RASGRF2: variants seen among roughly 807,000 people sequenced by gnomAD.
The protein encoded by RASGRF2 is ras-specific guanine nucleotide-releasing factor 2.
A neutral mutation model predicts 151.0 loss-of-function variants in RASGRF2; 76 were observed. The observed-to-expected ratio is 0.50, with a 90% CI of 0.42 to 0.61. The LOEUF (loss-of-function observed/expected upper bound fraction) is 0.61, where lower values mean the gene tolerates loss of function less well. Ranked by LOEUF, RASGRF2 falls within the 20% of genes least tolerant of loss-of-function variation. RASGRF2 has a pLI of 0.00. For synonymous variants in RASGRF2, 504 were observed against 566.5 expected (o/e 0.89, Z 1.57); for missense variants, 1,148 against 1,564.6 (o/e 0.73, Z 4.49).
chr5:80,970,551 C>T (rs80226572), intron 1 of RASGRF2, among the ~76,000 whole-genome samples: 2 of 149,340 alleles, frequency 1.3e-5, no homozygotes, highest in Admixed American at 6.6e-5. Context: ...AGGTTTTTTT[C>T]CCCTAACTTC....
chr5:81,200,673 G>T lies in RASGRF2; in HGVS notation c.2794-657G>T, dbSNP rs1463952070. Among the ~76,000 whole-genome samples, 2 of 152,164 alleles carry T rather than the reference G, an allele frequency of 1.3e-5. 1 individual carries two copies. The highest frequency in any genetic ancestry group is 2.9e-5 in the Non-Finnish European group (2 of 68,036). On this transcript the variant is annotated intron_variant, in intron 18 of 26. Transcript: ENST00000265080. ...GATCTTACTCATGGTCCAGAAAAAA[G>T]CCAGGCAATTAAATTGGCCCTTTCA...
At chr5:81,208,116 A>G (rs1287997456) in intron 21 of RASGRF2, among the ~76,000 whole-genome samples, 1 of 152,240 alleles carries the variant, frequency 6.6e-6, no homozygotes, top group Non-Finnish European at 1.5e-5. Context: ...ATAGGGACAC[A>G]GTTCCAAACA....
chr5:81,080,115 T>C lies in RASGRF2; in HGVS notation c.888-6T>C. ...CTAAATTATATTATTTTTCCTTTTT[T>C]TATAGTGAAACAATCATGTTTCTTC... On this transcript the variant is annotated splice_polypyrimidine_tract_variant and splice_region_variant and intron_variant, in intron 5 of 26. Transcript: ENST00000265080. 1.9e-6 allele frequency: 3 copies of C among 1,593,222 alleles called. No individual in the cohort carries two copies. The highest frequency in any genetic ancestry group is 2.6e-6 in the Non-Finnish European group (3 of 1,175,672).
intron 13 of RASGRF2, among the ~76,000 whole-genome samples, chr5:81,109,736 T>C (rs1188074205): frequency 1.3e-5 from 2 of 152,230 alleles, no homozygotes; most frequent in African/African-American, 2.4e-5. Context: ...ATGCATCTTT[T>C]GTCCCCCACT....
At position 81,170,717 on chromosome 5, in the gene RASGRF2, T is replaced by C. The variant is rs181903856; in HGVS notation, c.2687-9458T>C. ...CTCTCACATGGGCCTAGTCACCCTT[T>C]TTCTGTTCAATATTGGAATTTACCT... On this transcript the variant is annotated intron_variant, in intron 17 of 26. Transcript: ENST00000265080. 1.1e-4 allele frequency among the ~76,000 whole-genome samples: 17 copies of C among 152,316 alleles called. No individual in the cohort carries two copies. The East Asian group carries it at 3.3e-3, about 29-fold the overall frequency.
intron 1 of RASGRF2, among the ~76,000 whole-genome samples, chr5:80,983,855 A>G (rs1748390584): frequency 6.6e-6 from 1 of 152,274 alleles, no homozygotes; most frequent in African/African-American, 2.4e-5. Flanking sequence ...AAAATGTATT[A>G]TTAAAGTTAA....
In RASGRF2 at chr5:81,018,133, G is replaced by A. The variant is rs946774644; in HGVS notation, c.289-24744G>A. 4.0e-5 allele frequency among the ~76,000 whole-genome samples: 6 copies of A among 151,554 alleles called. No homozygotes were observed. The Middle Eastern group carries it at 0.01, about 258-fold the overall frequency. ...AAAAAAAAAGAAAGAAAGAAAGAAA[G>A]AAAAAACAGAAAAAAAGACTCTAGG... On this transcript the variant is annotated intron_variant, in intron 1 of 26. Transcript: ENST00000265080.
chr5:81,131,199 G>A lies in RASGRF2; in HGVS notation c.2686+4036G>A, dbSNP rs183183697. On this transcript the variant is annotated intron_variant, in intron 17 of 26. Coordinates refer to ENST00000265080, the MANE Select transcript of RASGRF2 (RefSeq NM_006909.3). ...GGAGGACAGCAATTTTTTTTGCAAG[G>A]AGGTCAAGACAAGATGTTCCTGCCT... 7.2e-4 allele frequency among the ~76,000 whole-genome samples: 110 copies of A among 152,098 alleles called. 1 individual carries two copies. Among genetic ancestry groups the A allele is most frequent in the Middle Eastern group, 6.8e-3 (2 of 294 alleles).
rs1335545152 is a variant in RASGRF2 at position 81,092,852 on chromosome 5, G to A, written c.1442G>A (p.Arg481His). The change falls in exon 10 of 27, where the codon CGC (arginine) becomes CAC (histidine). Residue 481 changes from arginine (R) to histidine (H), a missense_variant. Coordinates refer to ENST00000265080, the MANE Select transcript of RASGRF2 (RefSeq NM_006909.3). ...GAGAGGGGGAAACTTAGTAAAGTTC[G>A]CCTGGGTTCGTTGTCTTTGAAAAAG... ...SVERGKLSKV[R>H]LGSLSLKKEG... 13 of 1,613,154 alleles carry A rather than the reference G, an allele frequency of 8.1e-6. No homozygotes were observed. The highest frequency in any genetic ancestry group is 1.1e-5 in the South Asian group (1 of 91,042).
At chr5:81,182,659 G>A in intron 18 of RASGRF2, among the ~76,000 whole-genome samples, 1 of 152,182 alleles carries the variant, frequency 6.6e-6, no homozygotes. Flanking sequence ...AGACAGAGCT[G>A]CTCTCAGCTC....
chr5:81,058,606 T>G lies in RASGRF2; in HGVS notation c.396-9426T>G, dbSNP rs532171867. ...TTACTATGTGAAGAATAAGGAGCCA[T>G]GCATCCTGGGCAACATAGTGAGACC... On this transcript the variant is annotated intron_variant, in intron 2 of 26. Transcript: ENST00000265080. Among the ~76,000 whole-genome samples the G allele has an allele frequency of 1.1e-4, 16 of 152,068 alleles. No homozygotes were observed. In the South Asian group the frequency reaches 3.3e-3, roughly 32 times the overall value.
At position 81,208,347 on chromosome 5, in the gene RASGRF2, C is replaced by G; in HGVS notation, c.3072-7C>G. 6.2e-7 allele frequency: 1 copy of G among 1,612,726 alleles called. No homozygotes were observed. Among genetic ancestry groups the G allele is most frequent in the Non-Finnish European group, 8.5e-7 (1 of 1,179,100 alleles). ...AATTGGTTTTGTGTTTTGTTTTGAA[C>G]TTCCAGGGAGTTTCTTGGGCAGGGG... On this transcript the variant is annotated splice_polypyrimidine_tract_variant and splice_region_variant and intron_variant, in intron 21 of 26. Coordinates refer to ENST00000265080, the MANE Select transcript of RASGRF2 (RefSeq NM_006909.3).
intron 18 of RASGRF2, among the ~76,000 whole-genome samples, chr5:81,199,272 A>C (rs1000665303): frequency 6.6e-6 from 1 of 152,202 alleles, no homozygotes; most frequent in African/African-American, 2.4e-5. Context: ...GTTGTTTATG[A>C]CACTGACATT....
intron 2 of RASGRF2, among the ~76,000 whole-genome samples, chr5:81,048,387 C>T (rs983972193): frequency 1.3e-5 from 2 of 152,094 alleles, no homozygotes; most frequent in Non-Finnish European, 2.9e-5. Flanking sequence ...CTACAGAGTG[C>T]AACATGAAAG....
chr5:81,112,666 A>G lies in RASGRF2; in HGVS notation c.1895A>G (p.Asn632Ser). The change falls in exon 14 of 27, where the codon AAC becomes AGC. Residue 632 changes from asparagine (N) to serine (S), a missense_variant. Coordinates refer to ENST00000265080, the MANE Select transcript of RASGRF2 (RefSeq NM_006909.3). ...DTDICFSKTL[N>S]SCKVPQIRYA... Reference sequence around the variant, plus strand: ...GACATTTGCTTCAGTAAAACACTCAACTCCTGCAAAGTGCCCCAGATCCGT... The same window carrying G: ...GACATTTGCTTCAGTAAAACACTCAGCTCCTGCAAAGTGCCCCAGATCCGT... The G allele has an allele frequency of 6.2e-7, 1 of 1,614,006 alleles. No homozygotes were observed. Among genetic ancestry groups the G allele is most frequent in the East Asian group, 2.2e-5 (1 of 44,876 alleles).
chr5:81,189,564 C>G (rs1370161436), intron 18 of RASGRF2, among the ~76,000 whole-genome samples: 1 of 151,176 alleles, frequency 6.6e-6, no homozygotes, highest in South Asian at 2.1e-4. Context: ...GATCGTAGCT[C>G]ACTATAGCCT....
At chr5:81,132,089 T>G (rs1369842762) in intron 17 of RASGRF2, among the ~76,000 whole-genome samples, 1 of 152,254 alleles carries the variant, frequency 6.6e-6, no homozygotes, top group East Asian at 1.9e-4. Flanking sequence ...TTATCACTAT[T>G]TGACACACTA....
intron 17 of RASGRF2, among the ~76,000 whole-genome samples, chr5:81,148,101 G>A (rs1212220544): frequency 6.6e-6 from 1 of 152,130 alleles, no homozygotes; most frequent in Non-Finnish European, 1.5e-5. Flanking sequence ...GAAGACCTAC[G>A]TATTCATTAC....
chr5:81,082,173 G>A (rs993968381), intron 7 of RASGRF2, among the ~76,000 whole-genome samples: 6 of 152,152 alleles, frequency 3.9e-5, no homozygotes, highest in Non-Finnish European at 8.8e-5. Context: ...CTTCCTACCT[G>A]ACAGCCCCCT....
Sources: gnomAD v4.1 joint callset for allele counts (sites outside exome capture counted in the v4.1 genomes callset) on GRCh38, gnomAD v4.1.1 for gene constraint, MANE v1.5 for transcripts, NCBI Gene and HGNC (gene_info 2026-07-23, HGNC 2026-07-21) for gene names.